KIF7: variants seen among roughly 807,000 people sequenced by gnomAD.
The protein encoded by KIF7 is kinesin family member 7.
In KIF7, 104 loss-of-function variants were observed where a neutral mutation model predicts 135.7. The observed-to-expected ratio is 0.77, with a 90% CI of 0.65 to 0.90. KIF7 has a LOEUF of 0.90. Ranked by LOEUF, KIF7 falls within the 40% of genes least tolerant of loss-of-function variation. The probability of loss-of-function intolerance (pLI) is 0.00; values close to 1 mark genes in which losing one functional copy is unlikely to be tolerated. For missense variants in KIF7, 2,005 were observed against 1,839.1 expected (o/e 1.09, Z -1.65); for synonymous variants, 883 against 809.4 (o/e 1.09, Z -1.54).
At position 89,628,457 on chromosome 15, in the gene KIF7, TGGCTCGTCGCA is replaced by T; in HGVS notation, c.3983_3993del (p.Leu1328GlnfsTer6). The T allele has an allele frequency of 6.2e-7, 1 of 1,609,154 alleles. No individual in the cohort carries two copies. Among genetic ancestry groups the T allele is most frequent in the South Asian group, 1.1e-5 (1 of 90,860 alleles). The stretch of plus-strand genomic sequence containing the variant: ...TTCCGGACATCAATCATCCCCGGGC[TGGCTCGTCGCA>T]GTTCCCGCCGGGGCTTGGACAAAGG... On this transcript the variant is annotated frameshift_variant, in exon 19 of 19. Coordinates refer to ENST00000394412, the MANE Select transcript of KIF7 (RefSeq NM_198525.3). LOFTEE classifies it high-confidence loss of function.
intron 3 of KIF7, 139 bp downstream of exon 3, chr15:89,649,602 A>C: frequency 9.7e-7 from 1 of 1,033,454 alleles, no homozygotes; most frequent in Non-Finnish European, 1.4e-6. Flanking sequence ...CAGTGGAGGC[A>C]AGAAGCTAAA....
In KIF7 at chr15:89,633,192, C is replaced by T; in HGVS notation, c.2667G>A (p.Arg889=). ...IKTEEIAAFQ[R]KRRSGSNGSV... is the part of the protein sequence containing the mutation. ...AGCCGTTGCTGCCACTGCGCCTCTT[C>T]CTCTGGAATGCCGCGATCTCTTCCG... The change falls in exon 13 of 19, where the codon AGG becomes AGA. Residue 889 remains arginine (R), a synonymous_variant. Coordinates refer to ENST00000394412, the MANE Select transcript of KIF7 (RefSeq NM_198525.3). 6.2e-7 allele frequency: 1 copy of T among 1,605,352 alleles called. No individual in the cohort carries two copies. Among genetic ancestry groups the T allele is most frequent in the Non-Finnish European group, 8.5e-7 (1 of 1,178,912 alleles).
intron 4 of KIF7, 95 bp from the exon 5 acceptor site, chr15:89,648,869 T>C: frequency 6.8e-7 from 1 of 1,465,782 alleles, no homozygotes; most frequent in Admixed American, 2.3e-5. Context: ...GCGGTTCCCG[T>C]GGGCTGGAGA....
At chr15:89,622,278 G>A (rs746807859) in intron 1 of KIF7, among the ~76,000 whole-genome samples, 16 of 151,900 alleles carry the variant, frequency 1.1e-4, no homozygotes, top group Non-Finnish European at 1.9e-4. Context: ...GAGCCACTGC[G>A]CCCGGCCTAC....
At chr15:89,626,475 C>T (rs903350212), downstream of KIF7, among the ~76,000 whole-genome samples, 2 of 152,298 alleles carry the variant, frequency 1.3e-5, no homozygotes, top group South Asian at 2.1e-4. Context: ...TATAATCAGC[C>T]TGCAGGCTCT....
In KIF7 at chr15:89,633,760, T is replaced by G; in HGVS notation, c.2518A>C (p.Arg840=). 1 of 1,610,698 alleles carries G rather than the reference T, an allele frequency of 6.2e-7. No individual in the cohort carries two copies. The highest frequency in any genetic ancestry group is 1.1e-5 in the South Asian group (1 of 91,078). ...TGCTCCGTCTCCTCGCGAAGCCGCC[T>G]CTGCAGCTGTCCCTGCTGCTGCCGC... ...LMRQQQGQLQ[R]RLREETEQKR... The change falls in exon 12 of 19, where the codon AGG becomes CGG. Residue 840 remains arginine (R), a synonymous_variant. Coordinates refer to ENST00000394412, the MANE Select transcript of KIF7 (RefSeq NM_198525.3).
downstream of KIF7, chr15:89,623,742 A>C: frequency 6.2e-7 from 1 of 1,614,054 alleles, no homozygotes. Flanking sequence ...CCCCTGCAAA[A>C]ATGACCCCTA....
Position 89,645,355 on chromosome 15 carries a change from T to C in KIF7, c.2019A>G (p.Ala673=). ...GCTTACCTCTGGACCCTGGAATGGC[T>C]GCATCCAACTCCTCAAGGCAAAGCT... ...GPELCLEELD[A]AIPGSRAVGG... The change falls in exon 9 of 19, where the codon GCA becomes GCG. Residue 673 remains alanine, a synonymous_variant. Transcript: ENST00000394412. The C allele has an allele frequency of 1.2e-6, 2 of 1,614,072 alleles. No individual in the cohort carries two copies. The highest frequency in any genetic ancestry group is 1.7e-6 in the Non-Finnish European group (2 of 1,179,934).
chr15:89,621,270 C>G (rs1237547634), intron 1 of KIF7: 3 of 933,256 alleles, frequency 3.2e-6, no homozygotes, highest in South Asian at 1.8e-5. Flanking sequence ...ATCCACCTGT[C>G]TCGGCCTCCC....
At chr15:89,634,414 A>C (rs1481746711) in intron 11 of KIF7, among the ~76,000 whole-genome samples, 6 of 152,188 alleles carry the variant, frequency 3.9e-5, no homozygotes, top group Non-Finnish European at 4.4e-5. Context: ...CATCTGAGGT[A>C]CTGGGTTCAT....
rs1028383370 is a variant in KIF7, at chr15:89,628,898, G to A, written c.3664+78C>T. 6.2e-6 allele frequency: 10 copies of A among 1,612,052 alleles called. No homozygotes were observed. In the African/African-American group the frequency reaches 1.2e-4, roughly 19 times the overall value. ...GCAACCTGTGAATTGAGCCAATAAA[G>A]GCTCGAGGGAGAGTGGTCTCTAAGC... On this transcript the variant is annotated intron_variant, in intron 18 of 18. Transcript: ENST00000394412.
chr15:89,624,363 ATCTC>A, downstream of KIF7: 1 of 1,614,100 alleles, frequency 6.2e-7, no homozygotes. Context: ...GCGTAGCTGC[ATCTC>A]TCTCCTGCCC....
chr15:89,623,627 C>T, downstream of KIF7: 3 of 1,604,376 alleles, frequency 1.9e-6, no homozygotes, highest in South Asian at 3.4e-5. Context: ...TTTCAGACTC[C>T]CAAGAAGAGT....
Position 89,631,690 on chromosome 15 carries a change from C to CCGGCTCA in KIF7, c.2915_2916insTGAGCCG (p.Arg973GlufsTer77). ...GGTGCTCCAGCCGGCTGGACACTCGCACGATGTCCTCGTTGAGGGCCTGGG... is the reference window on the plus strand; with the variant it reads ...GGTGCTCCAGCCGGCTGGACACTCGCCGGCTCAACGATGTCCTCGTTGAGGGCCTGGG... On this transcript the variant is annotated frameshift_variant, in exon 15 of 19. Transcript: ENST00000394412. LOFTEE classifies it high-confidence loss of function. The CCGGCTCA allele has an allele frequency of 6.4e-7, 1 of 1,555,602 alleles. No individual in the cohort carries two copies. The highest frequency in any genetic ancestry group is 8.7e-7 in the Non-Finnish European group (1 of 1,148,492).
At chr15:89,630,553 G>T in intron 15 of KIF7, 60 bp from the exon 16 acceptor site, 1 of 1,395,814 alleles carries the variant, frequency 7.2e-7, no homozygotes, top group Non-Finnish European at 9.8e-7. Context: ...GAAGTCCTGG[G>T]CAGACATGCA....
At chr15:89,625,956 T>C (rs200586263), downstream of KIF7, 312 of 1,586,770 alleles carry the variant, frequency 2.0e-4, no homozygotes, top group Middle Eastern at 5.1e-4. Context: ...ACCTCCCAGC[T>C]GTGCCGTGCG....
chr15:89,658,508 T>C (rs929689241), upstream of KIF7, among the ~76,000 whole-genome samples: 6 of 150,728 alleles, frequency 4.0e-5, no homozygotes, highest in African/African-American at 1.2e-4. Flanking sequence ...TATAAGACAG[T>C]TATCCACGTG....
Position 89,642,264 on chromosome 15 carries a change from C to G in KIF7, c.2333G>C (p.Gly778Ala). 6.2e-7 allele frequency: 1 copy of G among 1,610,532 alleles called. No individual in the cohort carries two copies. The highest frequency in any genetic ancestry group is 8.5e-7 in the Non-Finnish European group (1 of 1,179,754). ...ELEGKELQDA[G>A]ERSRLQEFRR... ...GAACTCCTGGAGCCGAGACCGCTCG[C>G]CAGCATCCTGGAGCTCCTTGCCCTC... The change falls in exon 11 of 19, where the codon GGC becomes GCC. Residue 778 changes from glycine (G) to alanine (A), a missense_variant. Physicochemically the swap from Gly to Ala is moderately conservative, Grantham distance 60. Coordinates refer to ENST00000394412, the MANE Select transcript of KIF7 (RefSeq NM_198525.3).
rs1596065259 is a variant in KIF7, at chr15:89,629,854, T to C, written c.3319-281A>G. The C allele has an allele frequency of 3.0e-5, 17 of 560,176 alleles. No individual in the cohort carries two copies. In the East Asian group the frequency reaches 5.1e-4, roughly 17 times the overall value. The allele number at this position is 560,176 out of a possible 1,614,324, so 34.7% of individuals were successfully genotyped here. On this transcript the variant is annotated intron_variant, in intron 16 of 18. Coordinates refer to ENST00000394412, the MANE Select transcript of KIF7 (RefSeq NM_198525.3). ...CAGAGCGTCAAGTTGTGGGATTTCATCTAGACCAACCTCAGCACTATGGAC... is the reference window on the plus strand; with the variant it reads ...CAGAGCGTCAAGTTGTGGGATTTCACCTAGACCAACCTCAGCACTATGGAC...
Sources: gnomAD v4.1 joint callset for allele counts (sites outside exome capture counted in the v4.1 genomes callset) on GRCh38, gnomAD v4.1.1 for gene constraint, MANE v1.5 for transcripts, NCBI Gene and HGNC (gene_info 2026-07-23, HGNC 2026-07-21) for gene names.